SLC35A3: variants seen among roughly 807,000 people sequenced by gnomAD.
SLC35A3 encodes the protein UDP-N-acetylglucosamine transporter.
In SLC35A3, 26 loss-of-function variants were observed where a neutral mutation model predicts 39.0. That is an observed-to-expected ratio of 0.67 (90% CI 0.49 to 0.92). The LOEUF (loss-of-function observed/expected upper bound fraction) is 0.92, where lower values mean the gene tolerates loss of function less well. Ranked by LOEUF, SLC35A3 falls within the 40% of genes least tolerant of loss-of-function variation. The pLI is 0.00. For synonymous variants in SLC35A3, 135 were observed against 133.1 expected (o/e 1.01, Z -0.10); for missense variants, 299 against 371.6 (o/e 0.80, Z 1.61).
At chr1:99,977,724 A>C (rs1657203616) in intron 1 of SLC35A3, among the ~76,000 whole-genome samples, 1 of 152,142 alleles carries the variant, frequency 6.6e-6, no homozygotes, top group South Asian at 2.1e-4. Context: ...TTTGTTGTAA[A>C]GACAGAGTCC....
rs1661267084 is a variant in SLC35A3 at position 100,031,883 on chromosome 1, T to C, written c.*9407T>C. The C allele has an allele frequency of 6.6e-6, 1 of 152,178 alleles. No homozygotes were observed. The highest frequency in any genetic ancestry group is 1.5e-5 in the Non-Finnish European group (1 of 68,046). 9.4% of individuals were successfully genotyped at this position (152,178 alleles called of 1,614,324 possible). On this transcript the variant is annotated 3_prime_UTR_variant, in exon 8 of 8. Transcript: ENST00000533028. ...CTTTTTTATACCAAGAGACTGAAAA[T>C]GCTACCTCTAATGACTTTTCTCCCC... is the stretch of plus-strand genomic sequence containing the variant.
chr1:100,021,829 A>G (rs1660572332), intron 7 of SLC35A3, among the ~76,000 whole-genome samples: 1 of 152,192 alleles, frequency 6.6e-6, no homozygotes, highest in South Asian at 2.1e-4. Context: ...TTTGTAAAGC[A>G]TCCTATAAAA....
intron 5 of SLC35A3, among the ~76,000 whole-genome samples, chr1:100,014,284 A>G (rs1056953902): frequency 1.3e-5 from 2 of 152,168 alleles, no homozygotes; most frequent in Non-Finnish European, 1.5e-5. Context: ...GCAGTGGTAG[A>G]ATCATAGCCC....
chr1:99,984,697 C>T (rs185417155), intron 1 of SLC35A3, among the ~76,000 whole-genome samples: 143 of 152,328 alleles, frequency 9.4e-4, no homozygotes, highest in African/African-American at 3.3e-3. Flanking sequence ...TACATTCCAG[C>T]CAGCAGTGTA....
rs1661035501 is a variant in SLC35A3, at chr1:100,028,450, C to T, written c.*5974C>T. The T allele has an allele frequency of 6.6e-6, 1 of 152,336 alleles. No individual in the cohort carries two copies. The highest frequency in any genetic ancestry group is 2.4e-5 in the African/African-American group (1 of 41,434). The allele number at this position is 152,336 out of a possible 1,614,324, so 9.4% of individuals were successfully genotyped here. Reference sequence around the variant, plus strand: ...GTGATCCTCCCAGGAGCCTCGGCCCCCAAGCAGCTGGGAATACAGGTGCGC... The same window carrying T: ...GTGATCCTCCCAGGAGCCTCGGCCCTCAAGCAGCTGGGAATACAGGTGCGC... On this transcript the variant is annotated 3_prime_UTR_variant, in exon 8 of 8. Transcript: ENST00000533028.
intron 7 of SLC35A3, among the ~76,000 whole-genome samples, chr1:100,019,998 G>T (rs1478961763): frequency 6.6e-6 from 1 of 152,136 alleles, no homozygotes; most frequent in Non-Finnish European, 1.5e-5. Flanking sequence ...CTAGCTCCTG[G>T]AAAAGGAGTG....
Position 100,028,128 on chromosome 1 carries a change from AG to A in SLC35A3, c.*5655del, listed in dbSNP as rs1312815961. On this transcript the variant is annotated 3_prime_UTR_variant, in exon 8 of 8. Coordinates refer to ENST00000533028, the MANE Select transcript of SLC35A3 (RefSeq NM_012243.3). ...TAATTTTTGTATTTTTAGTAGAGAC[AG>A]GGTTTCACCATGTTGGCCAGGCTGG... 1 of 151,696 alleles carries A rather than the reference AG, an allele frequency of 6.6e-6. No homozygotes were observed. Among genetic ancestry groups the A allele is most frequent in the Non-Finnish European group, 1.5e-5 (1 of 67,982 alleles). The allele number at this position is 151,696 out of a possible 1,614,324, so 9.4% of individuals were successfully genotyped here.
At chr1:100,001,114 T>C (rs1450250195) in intron 3 of SLC35A3, among the ~76,000 whole-genome samples, 3 of 152,126 alleles carry the variant, frequency 2.0e-5, no homozygotes, top group Non-Finnish European at 4.4e-5. Flanking sequence ...ACTATAGCCT[T>C]GTAGTATATT....
intron 1 of SLC35A3, among the ~76,000 whole-genome samples, chr1:99,980,175 A>G (rs1443800194): frequency 6.7e-6 from 1 of 148,792 alleles, no homozygotes; most frequent in Non-Finnish European, 1.5e-5. Flanking sequence ...TTTTACTTCT[A>G]TCCCCAATCT....
chr1:99,997,426 A>ATATATATATATATATATATATAGTTT (rs1658480735), intron 2 of SLC35A3, among the ~76,000 whole-genome samples: 1 of 37,748 alleles, frequency 2.6e-5, no homozygotes, highest in African/African-American at 6.3e-5. Flanking sequence ...ATATATATAT[A>ATATATATATATATATATATATAGTTT]TATATATATA....
intron 1 of SLC35A3, among the ~76,000 whole-genome samples, chr1:99,992,056 A>AT (rs1658120868): frequency 6.6e-6 from 1 of 152,124 alleles, no homozygotes; most frequent in South Asian, 2.1e-4. Context: ...CAGGTAGATC[A>AT]TTTTTTTGTC....
At chr1:100,000,427 A>G (rs917464232) in intron 3 of SLC35A3, among the ~76,000 whole-genome samples, 10 of 151,784 alleles carry the variant, frequency 6.6e-5, no homozygotes, top group African/African-American at 2.2e-4. Flanking sequence ...TAATGGGATT[A>G]TTTGTTCTTA....
Position 100,029,030 on chromosome 1 carries a change from A to G in SLC35A3, c.*6554A>G, listed in dbSNP as rs973087248. On this transcript the variant is annotated 3_prime_UTR_variant, in exon 8 of 8. Transcript: ENST00000533028. ...GACCACAATGTTTGACAGTACACAC[A>G]TAGTATTGCCATTCAGGGAAGCTCA... 8 of 152,342 alleles carry G rather than the reference A, an allele frequency of 5.3e-5. No individual in the cohort carries two copies. The highest frequency in any genetic ancestry group is 8.8e-5 in the Non-Finnish European group (6 of 68,040). The allele number at this position is 152,342 out of a possible 1,614,324, so 9.4% of individuals were successfully genotyped here.
At position 100,002,718 on chromosome 1, in the gene SLC35A3, G is replaced by A. The variant is rs371688203; in HGVS notation, c.342+3303G>A. Among the ~76,000 whole-genome samples, 216 of 152,204 alleles carry A rather than the reference G, an allele frequency of 1.4e-3. 1 individual carries two copies. Among genetic ancestry groups the A allele is most frequent in the African/African-American group, 5.0e-3 (206 of 41,534 alleles). ...TGCAGCCTCAACCTCCTGGGCTCAA[G>A]AAATCCTCCCATCTCAGCCTCCTGA... On this transcript the variant is annotated intron_variant, in intron 3 of 7. Coordinates refer to ENST00000533028, the MANE Select transcript of SLC35A3 (RefSeq NM_012243.3).
chr1:100,000,718 AGT>A (rs1658716614), intron 3 of SLC35A3: 1 of 152,150 alleles, frequency 6.6e-6, no homozygotes. Flanking sequence ...TTCCAATTTT[AGT>A]ATGTTTGCTG....
intron 3 of SLC35A3, among the ~76,000 whole-genome samples, chr1:100,001,775 A>C (rs1224614773): frequency 6.6e-6 from 1 of 152,062 alleles, no homozygotes; most frequent in Non-Finnish European, 1.5e-5. Context: ...TGTGTTTGTC[A>C]TATATGGCCT....
At chr1:99,995,785 C>G (rs1394178417) in intron 2 of SLC35A3, among the ~76,000 whole-genome samples, 1 of 152,098 alleles carries the variant, frequency 6.6e-6, no homozygotes, top group East Asian at 1.9e-4. Context: ...CTAGTGTATA[C>G]TAGAAGAGGA....
chr1:99,987,461 G>C (rs905213637), intron 1 of SLC35A3, among the ~76,000 whole-genome samples: 5 of 152,064 alleles, frequency 3.3e-5, no homozygotes, highest in African/African-American at 1.2e-4. Flanking sequence ...TTAATAGTGA[G>C]TATACGTATT....
At chr1:100,003,284 C>T (rs551137248) in intron 3 of SLC35A3, among the ~76,000 whole-genome samples, 10 of 151,760 alleles carry the variant, frequency 6.6e-5, no homozygotes, top group African/African-American at 1.4e-4. Context: ...AGCATGGTGG[C>T]GGGTACCTGT....
Sources: allele counts gnomAD v4.1 joint callset (sites outside exome capture counted in the v4.1 genomes callset), GRCh38; gene constraint gnomAD v4.1.1; transcripts MANE v1.5; gene names NCBI Gene and HGNC (gene_info 2026-07-23, HGNC 2026-07-21).